NAALAD2: variants seen among roughly 807,000 people sequenced by gnomAD.
NAALAD2 encodes N-acetylated alpha-linked acidic dipeptidase 2.
Under a neutral mutation model 95.6 loss-of-function variants are expected in NAALAD2, and 89 were observed. The observed-to-expected ratio is 0.93, with a 90% CI of 0.78 to 1.11. NAALAD2 has a LOEUF of 1.11. Among genes scored for constraint, NAALAD2 ranks in the 50% least tolerant of loss-of-function variants. The probability of loss-of-function intolerance (pLI) is 0.00; values close to 1 mark genes in which losing one functional copy is unlikely to be tolerated. For synonymous variants in NAALAD2, 264 were observed against 294.4 expected, an observed-to-expected ratio of 0.90 and a Z score of 1.06; for missense variants, 894 against 872.4, an observed-to-expected ratio of 1.02 and a Z score of -0.31.
chr11:90,172,928 A>C (rs1256367583), intron 13 of NAALAD2, among the ~76,000 whole-genome samples: 1 of 152,090 alleles, frequency 6.6e-6, no homozygotes, highest in Non-Finnish European at 1.5e-5. Flanking sequence ...GAACAAATAC[A>C]CCAAGTTATA....
rs559632129 is a variant in NAALAD2, at chr11:90,172,979, A to G, written c.1411-845A>G. On this transcript the variant is annotated intron_variant, in intron 13 of 18. Transcript: ENST00000534061. The stretch of plus-strand genomic sequence containing the variant: ...CTTAAGTAGGGTCTGCCTTGGGTCT[A>G]TTTTTGAGCAAATCAGTGTTATAAA... 4.6e-5 allele frequency among the ~76,000 whole-genome samples: 7 copies of G among 152,250 alleles called. 1 individual carries two copies. The East Asian group carries it at 1.2e-3, about 25-fold the overall frequency.
intron 14 of NAALAD2, 44 bp from the exon 15 acceptor site, chr11:90,175,928 A>ATGTGTGTG (rs140876943): frequency 0.12 from 119,741 of 966,658 alleles, 4,207 homozygotes; most frequent in Admixed American, 0.34. Flanking sequence ...TTACTTGTTT[A>ATGTGTGTG]TGTGTGTGTG....
intron 5 of NAALAD2, among the ~76,000 whole-genome samples, chr11:90,151,776 G>A (rs531314909): frequency 6.6e-6 from 1 of 152,082 alleles, no homozygotes; most frequent in Non-Finnish European, 1.5e-5. Context: ...TTAGAAAGAT[G>A]TTTACAAAAA....
At chr11:90,149,199 G>T (rs1951826597) in intron 4 of NAALAD2, 92 bp downstream of exon 4, 2 of 651,078 alleles carry the variant, frequency 3.1e-6, no homozygotes, top group Middle Eastern at 4.7e-4. Flanking sequence ...GAAATTAGGT[G>T]AATCATTCAT....
chr11:90,152,491 G>T lies in NAALAD2; in HGVS notation c.796+7G>T. On this transcript the variant is annotated splice_region_variant and intron_variant, in intron 6 of 18. Coordinates refer to ENST00000534061, the MANE Select transcript of NAALAD2 (RefSeq NM_005467.4). Reference sequence around the variant, plus strand: ...CCAGGCTATCCAGCAAAAGGTAAGGGATGAGCCTATCAGTCCACCAATTTT... The same window carrying T: ...CCAGGCTATCCAGCAAAAGGTAAGGTATGAGCCTATCAGTCCACCAATTTT... 1 of 1,596,380 alleles carries T rather than the reference G, an allele frequency of 6.3e-7. No individual in the cohort carries two copies. The highest frequency in any genetic ancestry group is 1.1e-5 in the South Asian group (1 of 89,654).
intron 9 of NAALAD2, 40 bp downstream of exon 9, chr11:90,163,074 A>G: frequency 1.4e-6 from 2 of 1,424,870 alleles, no homozygotes. Flanking sequence ...GTTTTTACAA[A>G]AATTAAAGGG....
intron 6 of NAALAD2, among the ~76,000 whole-genome samples, chr11:90,155,628 A>G (rs1449700502): frequency 2.8e-5 from 1 of 36,134 alleles, no homozygotes; most frequent in Non-Finnish European, 4.1e-5. Flanking sequence ...TTACATATAT[A>G]TTAATATATA....
intron 18 of NAALAD2, among the ~76,000 whole-genome samples, 178 bp from the exon 19 acceptor site, chr11:90,191,380 A>C (rs754214380): frequency 2.0e-5 from 3 of 152,100 alleles, no homozygotes; most frequent in Non-Finnish European, 2.9e-5. Flanking sequence ...GCGAATGCAT[A>C]TTGTTAGCTT....
Position 90,175,978 on chromosome 11 carries a change from T to C in NAALAD2, c.1509T>C (p.Asn503=), listed in dbSNP as rs926315060. ...SPENKNLPRI[N]KLGSGSDFEA... is the part of the protein sequence containing the mutation. ...GATTGCATTCTACATCTAGAATCAA[T>C]AAGCTGGGATCTGGAAGTGACTTTG... Residue 503 remains asparagine (N), a synonymous_variant, in exon 15 of 19, where the codon AAT becomes AAC. Coordinates refer to ENST00000534061, the MANE Select transcript of NAALAD2 (RefSeq NM_005467.4). The C allele has an allele frequency of 5.0e-6, 8 of 1,603,648 alleles. No homozygotes were observed. In the African/African-American group the frequency reaches 8.0e-5, roughly 16 times the overall value.
Position 90,141,755 on chromosome 11 carries a change from G to A in NAALAD2, c.195-5575G>A, listed in dbSNP as rs117342858. ...GTGAGCCACTGGACTTGGCTGGAAG[G>A]TGGGAAAGAGTTTGGTTTGTTTGTT... On this transcript the variant is annotated intron_variant, in intron 2 of 18. Transcript: ENST00000534061. Among the ~76,000 whole-genome samples the A allele has an allele frequency of 1.2e-3, 185 of 152,212 alleles. 1 individual carries two copies. Among genetic ancestry groups the A allele is most frequent in the East Asian group, 0.012 (60 of 5,168 alleles).
intron 16 of NAALAD2, among the ~76,000 whole-genome samples, chr11:90,180,404 A>G (rs192626633): frequency 6.6e-6 from 1 of 152,252 alleles, no homozygotes; most frequent in Admixed American, 6.5e-5. Context: ...GACTAGGACT[A>G]AAATCTAGGA....
chr11:90,158,121 A>G, intron 6 of NAALAD2, 24 bp from the exon 7 acceptor site: 1 of 1,511,294 alleles, frequency 6.6e-7, no homozygotes, highest in Non-Finnish European at 9.1e-7. Context: ...AATTGTTTTC[A>G]TTTTATGCAT....
At chr11:90,155,901 T>C (rs1952103834) in intron 6 of NAALAD2, among the ~76,000 whole-genome samples, 1 of 143,636 alleles carries the variant, frequency 7.0e-6, no homozygotes, top group Non-Finnish European at 1.5e-5. Flanking sequence ...TATTATATAT[T>C]ATATAATATG....
upstream of NAALAD2, among the ~76,000 whole-genome samples, chr11:90,134,053 A>C (rs914070888): frequency 2.6e-5 from 4 of 152,182 alleles, no homozygotes; most frequent in African/African-American, 9.7e-5. Flanking sequence ...AGCATTAAGA[A>C]CAGACTCTCA....
At position 90,154,991 on chromosome 11, in the gene NAALAD2, ATATG is replaced by A. The variant is rs1307771664; in HGVS notation, c.796+2513_796+2516del. 3.3e-4 allele frequency among the ~76,000 whole-genome samples: 27 copies of A among 81,818 alleles called. 1 individual carries two copies. The highest frequency in any genetic ancestry group is 2.2e-3 in the Admixed American group (13 of 5,904). The allele number at this position is 81,818 out of a possible 152,430, so 53.7% of individuals were successfully genotyped here. A position where few individuals can be genotyped will look rare whatever the true frequency, so the allele number is the denominator to read the frequency against. On this transcript the variant is annotated intron_variant, in intron 6 of 18. Coordinates refer to ENST00000534061, the MANE Select transcript of NAALAD2 (RefSeq NM_005467.4). ...TGTATATATTATATACGTATACATAATATGTATGTGTGTATATATTATATACATA... is the reference window on the plus strand; with the variant it reads ...TGTATATATTATATACGTATACATAATATGTGTGTATATATTATATACATA...
intron 2 of NAALAD2, among the ~76,000 whole-genome samples, chr11:90,138,827 AACATCTGC>A: frequency 6.9e-6 from 1 of 144,842 alleles, no homozygotes; most frequent in East Asian, 2.0e-4. Context: ...AAGTCATGTC[AACATCTGC>A]ACACAGTTTT....
intron 6 of NAALAD2, 109 bp downstream of exon 6, chr11:90,152,593 A>T: frequency 1.4e-6 from 1 of 715,346 alleles, no homozygotes; most frequent in Non-Finnish European, 2.1e-6. Context: ...AATTGAGTAC[A>T]CTTATATCAT....
intron 8 of NAALAD2, among the ~76,000 whole-genome samples, chr11:90,160,535 A>G (rs1952264034): frequency 6.6e-6 from 1 of 152,192 alleles, no homozygotes; most frequent in Non-Finnish European, 1.5e-5. Context: ...TCCTTGTTTT[A>G]TAATAAGTTT....
intron 11 of NAALAD2, among the ~76,000 whole-genome samples, chr11:90,167,700 C>G (rs1952511965): frequency 6.6e-6 from 1 of 152,180 alleles, no homozygotes; most frequent in South Asian, 2.1e-4. Context: ...TTTGTAAACA[C>G]ACCAATCAGC....
Sources: gnomAD v4.1 joint callset for allele counts (sites outside exome capture counted in the v4.1 genomes callset) on GRCh38, gnomAD v4.1.1 for gene constraint, MANE v1.5 for transcripts, NCBI Gene and HGNC (gene_info 2026-07-23, HGNC 2026-07-21) for gene names.